Variants in GLYATL2 observed in about 807,000 individuals in gnomAD.
GLYATL2 encodes glycine N-acyltransferase-like protein 2.
GLYATL2 carries 25 observed loss-of-function variants against 21.4 expected under a neutral mutation model. That is an observed-to-expected ratio of 1.17 (90% CI 0.85 to 1.63). The LOEUF (loss-of-function observed/expected upper bound fraction) is 1.63. Ranked by LOEUF, GLYATL2 falls within the 40% of genes most tolerant of loss-of-function variation. The pLI, the probability that GLYATL2 is intolerant of heterozygous loss-of-function variation, is 0.00. For missense variants in GLYATL2, 361 were observed against 343.3 expected, an observed-to-expected ratio of 1.05 and a Z score of -0.41; for synonymous variants, 114 against 118.2, an observed-to-expected ratio of 0.96 and a Z score of 0.23.
chr11:58,860,558 T>C (rs1366929318), intron 1 of GLYATL2, among the ~76,000 whole-genome samples: 1 of 152,166 alleles, frequency 6.6e-6, no homozygotes, highest in Non-Finnish European at 1.5e-5. Context: ...GGAATATATT[T>C]AGCTACTTCC....
In GLYATL2 at chr11:58,866,968, A is replaced by G. The variant is rs531399546; in HGVS notation, n.61-28600T>C. On this transcript the variant is annotated intron_variant and non_coding_transcript_variant, in intron 1 of 4. Transcript: ENST00000533636. ...AAGATGGCTGCTGCATTCCAGCTTC[A>G]CATTGCTAAAGGATAATGAAGGATA... is the stretch of plus-strand genomic sequence containing the variant. Among the ~76,000 whole-genome samples, 2 of 149,198 alleles carry G rather than the reference A, an allele frequency of 1.3e-5. 1 individual carries two copies. The highest frequency in any genetic ancestry group is 4.3e-4 in the South Asian group (2 of 4,652).
chr11:58,876,694 C>T (rs1449492960), intron 1 of GLYATL2, among the ~76,000 whole-genome samples: 2 of 152,222 alleles, frequency 1.3e-5, no homozygotes, highest in Non-Finnish European at 2.9e-5. Flanking sequence ...TGTCTGTCCG[C>T]CCCTACTGGG....
rs1854000434 is a variant in GLYATL2, at chr11:58,865,055, A to C, written n.61-26687T>G. Among the ~76,000 whole-genome samples the C allele has an allele frequency of 2.7e-5, 4 of 149,020 alleles. No individual in the cohort carries two copies. The South Asian group carries it at 8.6e-4, about 32-fold the overall frequency. ...TGGCATAGGTTGTGTTGATGGTTTC[A>C]TGAGTATGTATTCATCTCTATCTTC... On this transcript the variant is annotated intron_variant and non_coding_transcript_variant, in intron 1 of 4. Transcript: ENST00000533636.
At chr11:58,874,581 C>T (rs1179531733) in intron 1 of GLYATL2, among the ~76,000 whole-genome samples, 1 of 152,174 alleles carries the variant, frequency 6.6e-6, no homozygotes, top group African/African-American at 2.4e-5. Context: ...TGTTCAGTTT[C>T]CATGTAGTTG....
At chr11:58,869,246 T>G (rs142670339) in intron 1 of GLYATL2, among the ~76,000 whole-genome samples, 126 of 152,286 alleles carry the variant, frequency 8.3e-4, no homozygotes, top group African/African-American at 2.9e-3. Context: ...CCGATATTCT[T>G]TTATAACACT....
At chr11:58,854,384 TC>T (rs1320976647) in intron 1 of GLYATL2, among the ~76,000 whole-genome samples, 1 of 152,232 alleles carries the variant, frequency 6.6e-6, no homozygotes, top group African/African-American at 2.4e-5. Context: ...GTTTATGGTT[TC>T]CCAGTGCATA....
chr11:58,851,296 C>T (rs1853736868), intron 1 of GLYATL2, among the ~76,000 whole-genome samples: 1 of 152,190 alleles, frequency 6.6e-6, no homozygotes, highest in Non-Finnish European at 1.5e-5. Context: ...GAAAAACGCA[C>T]AGACCCTGTG....
At chr11:58,873,469 T>C (rs956856957) in intron 1 of GLYATL2, among the ~76,000 whole-genome samples, 1 of 152,226 alleles carries the variant, frequency 6.6e-6, no homozygotes, top group African/African-American at 2.4e-5. Flanking sequence ...TATCAATACC[T>C]ATTTTATTGA....
At chr11:58,861,688 G>A (rs1443766076) in intron 1 of GLYATL2, among the ~76,000 whole-genome samples, 2 of 151,538 alleles carry the variant, frequency 1.3e-5, no homozygotes, top group African/African-American at 4.8e-5. Flanking sequence ...CAATGTAAAT[G>A]TTTTGAAGCA....
intron 1 of GLYATL2, among the ~76,000 whole-genome samples, chr11:58,863,506 T>C (rs112709479): frequency 6.6e-6 from 1 of 152,188 alleles, no homozygotes; most frequent in African/African-American, 2.4e-5. Flanking sequence ...GCCTGTATGC[T>C]GGGTTTGCTA....
chr11:58,847,564 C>G (rs1200607769), upstream of GLYATL2, among the ~76,000 whole-genome samples: 1 of 152,156 alleles, frequency 6.6e-6, no homozygotes, highest in Non-Finnish European at 1.5e-5. Context: ...GTCTGGCAAC[C>G]AGTGGGTAGG....
rs1853451666 is a variant in GLYATL2, at chr11:58,837,262, A to G, written c.313+9T>C. On this transcript the variant is annotated intron_variant, in intron 4 of 5. Coordinates refer to ENST00000287275, the MANE Select transcript of GLYATL2 (RefSeq NM_145016.4). ...CATGGATCTTTTTCTTTTAACTCAG[A>G]CTAGTTACCTTGGATCTGCAAAGTT... The G allele has an allele frequency of 6.2e-7, 1 of 1,613,658 alleles. No homozygotes were observed. Among genetic ancestry groups the G allele is most frequent in the South Asian group, 1.1e-5 (1 of 90,970 alleles).
upstream of GLYATL2, among the ~76,000 whole-genome samples, chr11:58,846,617 A>C (rs576990352): frequency 5.9e-5 from 9 of 152,294 alleles, no homozygotes; most frequent in South Asian, 1.7e-3. Context: ...ACACCTGCCC[A>C]TGGAGGCAGA....
rs188417803 is a variant in GLYATL2, at chr11:58,889,919, A to G, written n.60+14237T>C. Among the ~76,000 whole-genome samples, 158 of 152,276 alleles carry G rather than the reference A, an allele frequency of 1.0e-3. 1 individual carries two copies. The highest frequency in any genetic ancestry group is 3.1e-3 in the South Asian group (15 of 4,832). On this transcript the variant is annotated intron_variant and non_coding_transcript_variant, in intron 1 of 4. Coordinates refer to the GLYATL2 transcript ENST00000533636. ...GGCTTATGTAGAATTTAAATATAAA[A>G]TAATCTGATTTTGGCTACTTTTTAT...
At chr11:58,901,281 C>T (rs1041536864) in intron 1 of GLYATL2, among the ~76,000 whole-genome samples, 1 of 152,136 alleles carries the variant, frequency 6.6e-6, no homozygotes, top group South Asian at 2.1e-4. Context: ...GGATCTCTAC[C>T]GATGGAGCTC....
intron 1 of GLYATL2, among the ~76,000 whole-genome samples, chr11:58,865,648 A>C (rs1360841446): frequency 6.7e-6 from 1 of 149,012 alleles, no homozygotes; most frequent in Non-Finnish European, 1.5e-5. Context: ...ACAATCTCTA[A>C]TAAACCTCCT....
chr11:58,905,399 C>T (rs1327783546), upstream of GLYATL2: 2 of 446,552 alleles, frequency 4.5e-6, no homozygotes, highest in African/African-American at 4.0e-5. Flanking sequence ...CGCCTGGATG[C>T]ACGTCCCGCC....
At chr11:58,904,788 A>G (rs1418942282), upstream of GLYATL2, among the ~76,000 whole-genome samples, 1 of 152,206 alleles carries the variant, frequency 6.6e-6, no homozygotes, top group Non-Finnish European at 1.5e-5. Context: ...TAAGTTCAGA[A>G]ACATGCTCAT....
chr11:58,877,271 G>A (rs1854253043), intron 1 of GLYATL2, among the ~76,000 whole-genome samples: 2 of 152,206 alleles, frequency 1.3e-5, no homozygotes, highest in South Asian at 2.1e-4. Flanking sequence ...TTTGGCTCAT[G>A]TATGGTGTGC....
Sources: gnomAD v4.1 joint callset for allele counts (sites outside exome capture counted in the v4.1 genomes callset) on GRCh38, gnomAD v4.1.1 for gene constraint, MANE v1.5 for transcripts, NCBI Gene and HGNC (gene_info 2026-07-23, HGNC 2026-07-21) for gene names.